ARHGAP22: variants seen among roughly 807,000 people sequenced by gnomAD.
ARHGAP22 encodes the protein rho GTPase-activating protein 22.
Under a neutral mutation model 59.1 loss-of-function variants are expected in ARHGAP22, and 48 were observed. The observed-to-expected ratio is 0.81, with a 90% CI of 0.64 to 1.03. ARHGAP22 has a LOEUF of 1.03. Ranked by LOEUF, ARHGAP22 falls within the 50% of genes least tolerant of loss-of-function variation. The pLI is 0.00. For synonymous variants in ARHGAP22, 445 were observed against 416.4 expected (o/e 1.07, Z -0.84); for missense variants, 1,015 against 958.7 (o/e 1.06, Z -0.78).
In ARHGAP22 at chr10:48,451,148, G is replaced by A; in HGVS notation, c.989-8C>T. 6.4e-7 allele frequency: 1 copy of A among 1,551,240 alleles called. No individual in the cohort carries two copies. Among genetic ancestry groups the A allele is most frequent in the Non-Finnish European group, 8.7e-7 (1 of 1,147,226 alleles). The stretch of plus-strand genomic sequence containing the variant: ...GCTGGACGAGGGAAGTGCCTGCCGG[G>A]AAGAGAGGCGGAGAAGGGCCTTGCT... On this transcript the variant is annotated splice_polypyrimidine_tract_variant and splice_region_variant and intron_variant, in intron 8 of 9. Transcript: ENST00000249601.
intron 2 of ARHGAP22, among the ~76,000 whole-genome samples, chr10:48,559,441 G>GT (rs2057540752): frequency 6.6e-6 from 1 of 152,226 alleles, no homozygotes; most frequent in East Asian, 1.9e-4. Flanking sequence ...GTCCATTGGT[G>GT]TAAGTAGCTA....
chr10:48,553,910 AC>A (rs1389538863), intron 3 of ARHGAP22, among the ~76,000 whole-genome samples: 3 of 151,584 alleles, frequency 2.0e-5, no homozygotes, highest in Non-Finnish European at 4.4e-5. Flanking sequence ...TTGAGTCACT[AC>A]CCCTGTCCCC....
intron 1 of ARHGAP22, among the ~76,000 whole-genome samples, chr10:48,649,702 G>T (rs2062470096): frequency 6.6e-6 from 1 of 152,162 alleles, no homozygotes; most frequent in Non-Finnish European, 1.5e-5. Flanking sequence ...CCTAGGAGGA[G>T]CTGAGGCCCA....
rs530686505 is a variant in ARHGAP22 at position 48,450,361 on chromosome 10, G to C, written c.1768C>G (p.Arg590Gly). The change falls in exon 9 of 10, where the codon CGG becomes GGG. Residue 590 changes from arginine to glycine, a missense_variant. Physicochemically the swap from Arg to Gly is moderately radical, Grantham distance 125. Transcript: ENST00000249601. ...SEPSEPDSPT[R>G]EHARRSEALQ... is the part of the protein sequence containing the mutation. ...GCCTCGGAGCGGCGCGCGTGTTCCCGGGTGGGGCTGTCCGGCTCGCTGGGC... is the reference window on the plus strand; with the variant it reads ...GCCTCGGAGCGGCGCGCGTGTTCCCCGGTGGGGCTGTCCGGCTCGCTGGGC... 2 of 1,587,406 alleles carry C rather than the reference G, an allele frequency of 1.3e-6. No homozygotes were observed. Among genetic ancestry groups the C allele is most frequent in the African/African-American group, 2.7e-5 (2 of 74,448 alleles).
chr10:48,581,761 T>C (rs1003037964), intron 2 of ARHGAP22, among the ~76,000 whole-genome samples: 2 of 152,260 alleles, frequency 1.3e-5, no homozygotes, highest in African/African-American at 4.8e-5. Flanking sequence ...GGTTTTAACG[T>C]CAATATACGG....
In ARHGAP22 at chr10:48,497,916, C is replaced by T. The variant is rs9663506; in HGVS notation, c.323-18152G>A. ...CCATTCCAGGGTCCTCCCAGCAGGC[C>T]TGAAGAGATAAAGGGCAGAATATCA... On this transcript the variant is annotated intron_variant, in intron 3 of 9. Coordinates refer to ENST00000249601, the MANE Select transcript of ARHGAP22 (RefSeq NM_021226.4). Among the ~76,000 whole-genome samples, 1,175 of 152,236 alleles carry T rather than the reference C, an allele frequency of 7.7e-3. 15 individuals are homozygous for T. The highest frequency in any genetic ancestry group is 0.027 in the African/African-American group (1,112 of 41,546).
chr10:48,466,345 G>A (rs1359030918), intron 4 of ARHGAP22, among the ~76,000 whole-genome samples: 3 of 151,938 alleles, frequency 2.0e-5, no homozygotes, highest in Non-Finnish European at 4.4e-5. Flanking sequence ...GGACGCCTCC[G>A]GTCCCTGTTT....
At chr10:48,585,338 G>A (rs1182043005) in intron 1 of ARHGAP22, among the ~76,000 whole-genome samples, 2 of 152,110 alleles carry the variant, frequency 1.3e-5, no homozygotes, top group East Asian at 3.9e-4. Flanking sequence ...GGCTCCCAGA[G>A]CTCCGGGCCT....
chr10:48,500,870 GAC>G (rs535773981), intron 3 of ARHGAP22, among the ~76,000 whole-genome samples: 74 of 145,080 alleles, frequency 5.1e-4, no homozygotes, highest in African/African-American at 1.9e-3. Context: ...CATCCTGGGT[GAC>G]ACAGTGAGAC....
intron 2 of ARHGAP22, among the ~76,000 whole-genome samples, chr10:48,576,169 G>A (rs2058701165): frequency 6.6e-6 from 1 of 152,206 alleles, no homozygotes. Flanking sequence ...TCCCCACTGG[G>A]TGTGGACTGC....
chr10:48,503,123 C>T (rs1482277046), intron 3 of ARHGAP22, among the ~76,000 whole-genome samples: 1 of 152,160 alleles, frequency 6.6e-6, no homozygotes, highest in Non-Finnish European at 1.5e-5. Context: ...CTGGAAAACA[C>T]CAAGGAACGT....
upstream of ARHGAP22, among the ~76,000 whole-genome samples, chr10:48,607,545 C>T (rs1365402133): frequency 6.6e-6 from 1 of 152,170 alleles, no homozygotes; most frequent in Non-Finnish European, 1.5e-5. Context: ...CCCACTTCCT[C>T]TGGGGTGGCC....
At chr10:48,626,206 T>C (rs2061443819) in intron 1 of ARHGAP22, among the ~76,000 whole-genome samples, 1 of 152,170 alleles carries the variant, frequency 6.6e-6, no homozygotes, top group Non-Finnish European at 1.5e-5. Flanking sequence ...TAAGAGAGAC[T>C]CACCCAGGGG....
chr10:48,495,964 C>G (rs892794641), intron 3 of ARHGAP22, among the ~76,000 whole-genome samples: 1 of 152,080 alleles, frequency 6.6e-6, no homozygotes, highest in Non-Finnish European at 1.5e-5. Flanking sequence ...TACAAATAGC[C>G]GTGTGATTCA....
At chr10:48,435,052 G>GGGT in the ARHGAP22 span, 1 of 1,412,462 alleles carries the variant, frequency 7.1e-7, no homozygotes, top group Non-Finnish European at 9.7e-7. Context: ...TCGGGGGGTG[G>GGGT]GAGGGATGGG....
At chr10:48,517,595 G>A (rs60709722) in intron 3 of ARHGAP22, among the ~76,000 whole-genome samples, 1 of 152,134 alleles carries the variant, frequency 6.6e-6, no homozygotes, top group Non-Finnish European at 1.5e-5. Context: ...GGGACTTAGG[G>A]CTTCCTCAGG....
At chr10:48,633,190 A>G (rs1310808604) in intron 1 of ARHGAP22, among the ~76,000 whole-genome samples, 3 of 152,218 alleles carry the variant, frequency 2.0e-5, no homozygotes, top group African/African-American at 7.2e-5. Context: ...AACCCTTAGG[A>G]AACTTTTGAG....
intron 1 of ARHGAP22, among the ~76,000 whole-genome samples, chr10:48,598,578 T>G (rs185711340): frequency 6.8e-4 from 103 of 152,270 alleles, no homozygotes; most frequent in Non-Finnish European, 1.1e-3. Context: ...GGAAACACCA[T>G]TGCTCCCACT....
intron 3 of ARHGAP22, among the ~76,000 whole-genome samples, chr10:48,482,667 A>G (rs2049443489): frequency 6.6e-6 from 1 of 151,990 alleles, no homozygotes; most frequent in Non-Finnish European, 1.5e-5. Context: ...TTGATACATA[A>G]TATTTGTACA....
Sources: gnomAD v4.1 joint callset for allele counts (sites outside exome capture counted in the v4.1 genomes callset) on GRCh38, gnomAD v4.1.1 for gene constraint, MANE v1.5 for transcripts, NCBI Gene and HGNC (gene_info 2026-07-23, HGNC 2026-07-21) for gene names.